CWH43: variants seen among roughly 807,000 people sequenced by gnomAD.
The protein encoded by CWH43 is cell wall biogenesis 43 C-terminal homolog, also known as PGAP2-interacting protein.
Under a neutral mutation model 85.7 loss-of-function variants are expected in CWH43, and 91 were observed. That is an observed-to-expected ratio of 1.06 (90% confidence interval 0.90 to 1.26). CWH43 has a LOEUF of 1.26. CWH43 is among the 50% of genes most tolerant of loss of function. CWH43 has a pLI of 0.00. For missense variants in CWH43, 869 were observed against 839.2 expected (o/e 1.04, Z -0.44); for synonymous variants, 323 against 293.6 (o/e 1.10, Z -1.02).
At chr4:48,988,889 A>C (rs1243995345) in intron 2 of CWH43, among the ~76,000 whole-genome samples, 1 of 152,216 alleles carries the variant, frequency 6.6e-6, no homozygotes, top group Non-Finnish European at 1.5e-5. Flanking sequence ...AAGACCTAAA[A>C]ATCACTGCAA....
chr4:49,029,964 TG>T (rs531544473), intron 10 of CWH43, among the ~76,000 whole-genome samples: 9 of 152,330 alleles, frequency 5.9e-5, no homozygotes, highest in Non-Finnish European at 1.0e-4. Flanking sequence ...GCAGGTCCTC[TG>T]TATGCTGAGC....
chr4:49,059,541 C>G (rs752545875), intron 15 of CWH43, among the ~76,000 whole-genome samples: 5 of 152,148 alleles, frequency 3.3e-5, no homozygotes, highest in Admixed American at 2.0e-4. Context: ...GCCCTGGTAT[C>G]TGTACATTTG....
At chr4:48,994,522 C>T (rs1470681203) in intron 4 of CWH43, 97 bp from the exon 5 acceptor site, 4 of 1,016,414 alleles carry the variant, frequency 3.9e-6, no homozygotes, top group Non-Finnish European at 6.0e-6. Context: ...CTTCTTGAAG[C>T]CAAATACCAT....
At chr4:48,989,558 A>T (rs1782594160) in intron 2 of CWH43, among the ~76,000 whole-genome samples, 1 of 152,200 alleles carries the variant, frequency 6.6e-6, no homozygotes, top group Non-Finnish European at 1.5e-5. Flanking sequence ...CAGAGCAGTG[A>T]GTTCTGTGGA....
chr4:48,991,297 T>A (rs1228608312), intron 2 of CWH43, among the ~76,000 whole-genome samples, 157 bp from the exon 3 acceptor site: 2 of 152,234 alleles, frequency 1.3e-5, no homozygotes. Context: ...ATGTGAATTG[T>A]ATTTCAATAA....
chr4:49,005,761 G>A (rs1783138463), intron 7 of CWH43, among the ~76,000 whole-genome samples: 1 of 151,826 alleles, frequency 6.6e-6, no homozygotes, highest in South Asian at 2.1e-4. Flanking sequence ...GGCTGGCGTC[G>A]AACTCCTGGG....
chr4:49,046,971 C>A (rs1325890094), intron 14 of CWH43, among the ~76,000 whole-genome samples: 1 of 152,108 alleles, frequency 6.6e-6, no homozygotes, highest in African/African-American at 2.4e-5. Context: ...ATGTGGGGAG[C>A]CCTGGTGTGG....
intron 9 of CWH43, among the ~76,000 whole-genome samples, chr4:49,026,983 G>A (rs1783936369): frequency 6.6e-6 from 1 of 152,176 alleles, no homozygotes; most frequent in South Asian, 2.1e-4. Context: ...CATTGTGATT[G>A]TACCAATTTA....
chr4:49,030,493 C>G (rs947920473), intron 10 of CWH43, among the ~76,000 whole-genome samples: 16 of 152,190 alleles, frequency 1.1e-4, no homozygotes, highest in Non-Finnish European at 2.9e-5. Context: ...CTATGGTGCA[C>G]CATTCTCTTG....
At chr4:49,028,533 A>G (rs1243085620) in intron 9 of CWH43, 96 bp from the exon 10 acceptor site, 2 of 706,984 alleles carry the variant, frequency 2.8e-6, no homozygotes, top group Admixed American at 5.5e-5. Flanking sequence ...CCTTTGCTGA[A>G]ATAAGAAATT....
In CWH43 at chr4:49,007,161, G is replaced by C. The variant is rs370222566; in HGVS notation, c.1061-40G>C. The C allele has an allele frequency of 2.1e-5, 33 of 1,555,932 alleles. No individual in the cohort carries two copies. In the African/African-American group the frequency reaches 4.1e-4, roughly 19 times the overall value. On this transcript the variant is annotated intron_variant, in intron 7 of 15. Transcript: ENST00000226432. ...GGAATACAACATTGGAAGGATTTTT[G>C]GATCAGACTATAACATATTCTTTCT...
At position 48,994,481 on chromosome 4, in the gene CWH43, T is replaced by C. The variant is rs1782749792; in HGVS notation, c.512-138T>C. 7.4e-6 allele frequency: 5 copies of C among 674,272 alleles called. No homozygotes were observed. The South Asian group carries it at 9.1e-5, about 12-fold the overall frequency. 41.8% of individuals were successfully genotyped at this position (674,272 alleles called of 1,614,324 possible). A position where few individuals can be genotyped will look rare whatever the true frequency, so the allele number is the denominator to read the frequency against. ...CAGCATGTTTAGCTTCATATTGTAG[T>C]TGCATGTCTCATCTCCTCTTCCGAA... is the stretch of plus-strand genomic sequence containing the variant. On this transcript the variant is annotated intron_variant, in intron 4 of 15. Transcript: ENST00000226432.
At chr4:49,058,599 C>G (rs905830638) in intron 15 of CWH43, among the ~76,000 whole-genome samples, 1 of 152,106 alleles carries the variant, frequency 6.6e-6, no homozygotes, top group African/African-American at 2.4e-5. Flanking sequence ...TTTTTAATGT[C>G]CTTTCATTTC....
Position 49,042,728 on chromosome 4 carries a change from G to T in CWH43, c.1804-2058G>T, listed in dbSNP as rs184040726. On this transcript the variant is annotated intron_variant, in intron 13 of 15. Coordinates refer to ENST00000226432, the MANE Select transcript of CWH43 (RefSeq NM_025087.3). ...CACATTGAATGTGGCTATCATGGGG[G>T]TGTAGGTGAAGGAAGAGAAGACAGA... 4.5e-3 allele frequency among the ~76,000 whole-genome samples: 679 copies of T among 152,314 alleles called. 10 individuals are homozygous for T. Among genetic ancestry groups the T allele is most frequent in the Non-Finnish European group, 5.4e-3 (365 of 68,030 alleles).
At chr4:49,018,353 G>A (rs952134303) in intron 9 of CWH43, among the ~76,000 whole-genome samples, 16 of 152,164 alleles carry the variant, frequency 1.1e-4, no homozygotes, top group African/African-American at 3.1e-4. Flanking sequence ...CATGAGATTT[G>A]GTAGGGACAC....
intron 6 of CWH43, among the ~76,000 whole-genome samples, chr4:49,001,343 T>G (rs1008277607): frequency 5.3e-5 from 8 of 152,182 alleles, no homozygotes; most frequent in Non-Finnish European, 7.3e-5. Context: ...AATAGTTAAC[T>G]ATTACTTCTG....
intron 2 of CWH43, among the ~76,000 whole-genome samples, chr4:48,989,613 A>G (rs984308619): frequency 2.6e-5 from 4 of 152,194 alleles, no homozygotes; most frequent in Admixed American, 2.6e-4. Context: ...GTGTCAGTAA[A>G]GATGAAGTCT....
chr4:49,029,629 G>T lies in CWH43; in HGVS notation c.1372+895G>T, dbSNP rs576192568. ...GTCCCTGGGAATGGAATGTCTTGGT[G>T]TAAAATCCAATTATACATTTGTTCT... On this transcript the variant is annotated intron_variant, in intron 10 of 15. Transcript: ENST00000226432. Among the ~76,000 whole-genome samples, 6 of 152,362 alleles carry T rather than the reference G, an allele frequency of 3.9e-5. No individual in the cohort carries two copies. In the East Asian group the frequency reaches 1.2e-3, roughly 29 times the overall value.
chr4:49,039,890 C>A (rs1452927543), intron 13 of CWH43, among the ~76,000 whole-genome samples: 1 of 152,008 alleles, frequency 6.6e-6, no homozygotes, highest in African/African-American at 2.4e-5. Context: ...TGCTATCCCT[C>A]CCCCGTCCCC....
Sources: allele counts gnomAD v4.1 joint callset (sites outside exome capture counted in the v4.1 genomes callset), GRCh38; gene constraint gnomAD v4.1.1; transcripts MANE v1.5; gene names NCBI Gene and HGNC (gene_info 2026-07-23, HGNC 2026-07-21).